Variants in GRIK4 observed in about 807,000 individuals in gnomAD.
GRIK4 encodes glutamate ionotropic receptor kainate type subunit 4.
Under a neutral mutation model 104.9 loss-of-function variants are expected in GRIK4, and 40 were observed. That is an observed-to-expected ratio of 0.38 (90% CI 0.30 to 0.50). The LOEUF is 0.50. GRIK4 is among the 20% of genes least tolerant of loss of function. The pLI is 0.93. For synonymous variants in GRIK4, 485 were observed against 524.9 expected (o/e 0.92, Z 1.04); for missense variants, 1,047 against 1,308.1 (o/e 0.80, Z 3.08).
chr11:120,879,776 C>A (rs564001017), intron 11 of GRIK4, among the ~76,000 whole-genome samples: 3 of 152,140 alleles, frequency 2.0e-5, no homozygotes, highest in East Asian at 3.9e-4. Context: ...TTTGCACATG[C>A]GAGATCTCTG....
Position 120,901,175 on chromosome 11 carries a change from T to C in GRIK4, c.1272+2536T>C, listed in dbSNP as rs570536900. Among the ~76,000 whole-genome samples the C allele has an allele frequency of 6.6e-5, 10 of 152,210 alleles. No individual in the cohort carries two copies. The South Asian group carries it at 1.2e-3, about 19-fold the overall frequency. On this transcript the variant is annotated intron_variant, in intron 12 of 20. Coordinates refer to ENST00000527524, the MANE Select transcript of GRIK4 (RefSeq NM_014619.5). Reference sequence around the variant, plus strand: ...AATCAGAATTGGCCTGGCATTTCCTTCCTTACAATCCTTCAGCCACTGCCC... The same window carrying C: ...AATCAGAATTGGCCTGGCATTTCCTCCCTTACAATCCTTCAGCCACTGCCC...
At chr11:120,670,002 A>C (rs1182677081) in intron 3 of GRIK4, among the ~76,000 whole-genome samples, 6 of 152,192 alleles carry the variant, frequency 3.9e-5, no homozygotes, top group African/African-American at 1.2e-4. Context: ...TGCTTCTCCT[A>C]CTGTCTACTC....
chr11:120,668,307 GAAAA>G (rs1363131399), intron 3 of GRIK4, among the ~76,000 whole-genome samples: 3 of 136,886 alleles, frequency 2.2e-5, no homozygotes, highest in Admixed American at 7.7e-5. Flanking sequence ...AAAAAGAAAA[GAAAA>G]GAAGAAAGGA....
intron 6 of GRIK4, among the ~76,000 whole-genome samples, chr11:120,829,250 A>G (rs1444724318): frequency 6.6e-6 from 1 of 152,122 alleles, no homozygotes; most frequent in African/African-American, 2.4e-5. Context: ...CCTCCTTGTT[A>G]AGAGTGTCTT....
Position 120,934,204 on chromosome 11 carries a change from CAAAAAAAA to C in GRIK4, c.1477-6123_1477-6116del, listed in dbSNP as rs35705174. ...TGGGTGACAGAGCGAGACTCCGTCT[CAAAAAAAA>C]AAAAAAAAAAAAAAAAAAAGGTCAG... On this transcript the variant is annotated intron_variant, in intron 13 of 20. Coordinates refer to ENST00000527524, the MANE Select transcript of GRIK4 (RefSeq NM_014619.5). Among the ~76,000 whole-genome samples, 222 of 54,236 alleles carry C rather than the reference CAAAAAAAA, an allele frequency of 4.1e-3. 3 individuals are homozygous for C. Among genetic ancestry groups the C allele is most frequent in the African/African-American group, 0.018 (214 of 11,726 alleles). The allele number at this position is 54,236 out of a possible 152,430, so 35.6% of individuals were successfully genotyped here.
At chr11:120,644,059 GGAGA>G (rs139179410) in intron 1 of GRIK4, among the ~76,000 whole-genome samples, 62,816 of 119,694 alleles carry the variant, frequency 0.52, 13,970 homozygotes, top group Non-Finnish European at 0.58. Context: ...GAGAGAGAGA[GGAGA>G]GAGAGAGAGA....
At chr11:120,578,828 C>T (rs1316309786) in intron 1 of GRIK4, among the ~76,000 whole-genome samples, 1 of 152,210 alleles carries the variant, frequency 6.6e-6, no homozygotes, top group Non-Finnish European at 1.5e-5. Flanking sequence ...TCACTTGGCT[C>T]ATCTCCACAA....
At chr11:120,913,537 C>T (rs928998433) in intron 13 of GRIK4, among the ~76,000 whole-genome samples, 31 of 151,466 alleles carry the variant, frequency 2.0e-4, no homozygotes, top group Non-Finnish European at 3.8e-4. Context: ...AGACAGAGTC[C>T]CCCTCTAGGT....
At chr11:120,603,335 T>A (rs1322771549) in intron 1 of GRIK4, among the ~76,000 whole-genome samples, 4 of 152,264 alleles carry the variant, frequency 2.6e-5, no homozygotes, top group African/African-American at 9.6e-5. Context: ...CTCTCCCTGA[T>A]TCTGCCTTCA....
intron 14 of GRIK4, among the ~76,000 whole-genome samples, chr11:120,943,159 A>ACACACACACAC (rs1382888508): frequency 2.0e-5 from 1 of 49,400 alleles, no homozygotes; most frequent in Non-Finnish European, 5.7e-5. Flanking sequence ...CACCCCCCTG[A>ACACACACACAC]CTGTTTGGTG....
chr11:120,893,326 G>A (rs922195086), intron 11 of GRIK4, among the ~76,000 whole-genome samples: 11 of 152,044 alleles, frequency 7.2e-5, no homozygotes, highest in Non-Finnish European at 1.5e-4. Flanking sequence ...ATCCCATATC[G>A]GTTATATTTA....
chr11:120,625,238 C>A (rs1451746992), intron 1 of GRIK4, among the ~76,000 whole-genome samples: 1 of 152,166 alleles, frequency 6.6e-6, no homozygotes, highest in Non-Finnish European at 1.5e-5. Context: ...TGCACCACTG[C>A]ACCCCAGCCT....
chr11:120,595,862 T>C (rs1684941246), intron 1 of GRIK4, among the ~76,000 whole-genome samples: 1 of 152,208 alleles, frequency 6.6e-6, no homozygotes, highest in Admixed American at 6.5e-5. Flanking sequence ...ATTTCTATTT[T>C]TCGAGATGGA....
At position 120,956,984 on chromosome 11, in the gene GRIK4, A is replaced by G; in HGVS notation, c.1874+31A>G. 1 of 1,550,774 alleles carries G rather than the reference A, an allele frequency of 6.4e-7. No individual in the cohort carries two copies. The highest frequency in any genetic ancestry group is 8.7e-7 in the Non-Finnish European group (1 of 1,146,942). Reference sequence around the variant, plus strand: ...GCCCCAGGCAGAGGTGAACCAGGCCAGGTGGGGTGGGGACACAAAAGGGGC... The same window carrying G: ...GCCCCAGGCAGAGGTGAACCAGGCCGGGTGGGGTGGGGACACAAAAGGGGC... On this transcript the variant is annotated intron_variant, in intron 16 of 20. Coordinates refer to ENST00000527524, the MANE Select transcript of GRIK4 (RefSeq NM_014619.5). The surrounding 1 kb of genome is among the most constrained non-coding windows in gnomAD (Gnocchi z 4.6).
intron 3 of GRIK4, among the ~76,000 whole-genome samples, chr11:120,790,993 C>A (rs1242299886): frequency 6.6e-6 from 1 of 152,160 alleles, no homozygotes; most frequent in African/African-American, 2.4e-5. Context: ...TTGGACATTT[C>A]TTACTAGTAG....
At chr11:120,619,483 G>T (rs558452700) in intron 1 of GRIK4, among the ~76,000 whole-genome samples, 1 of 152,268 alleles carries the variant, frequency 6.6e-6, no homozygotes, top group Admixed American at 6.5e-5. Context: ...ATGTAAGAAG[G>T]ACATGAGATT....
At chr11:120,648,590 T>C (rs1329680344) in intron 1 of GRIK4, among the ~76,000 whole-genome samples, 2 of 151,910 alleles carry the variant, frequency 1.3e-5, no homozygotes, top group African/African-American at 4.8e-5. Context: ...AGCCAGAGCA[T>C]AGGCTGTGGA....
At chr11:120,926,336 T>A (rs1341900841) in intron 13 of GRIK4, among the ~76,000 whole-genome samples, 1 of 152,192 alleles carries the variant, frequency 6.6e-6, no homozygotes, top group Non-Finnish European at 1.5e-5. Flanking sequence ...TTTTAAAAAA[T>A]AAATAAAATT....
chr11:120,551,686 C>G (rs764314945), intron 1 of GRIK4, among the ~76,000 whole-genome samples: 68 of 152,012 alleles, frequency 4.5e-4, no homozygotes, highest in Non-Finnish European at 9.4e-4. Flanking sequence ...GAGGCTGAGG[C>G]AGGAGAATCG....
Sources: gnomAD v4.1 joint callset for allele counts (sites outside exome capture counted in the v4.1 genomes callset) on GRCh38, gnomAD v4.1.1 for gene constraint, Gnocchi (gnomAD v3.1) non-coding constraint, MANE v1.5 for transcripts, NCBI Gene and HGNC (gene_info 2026-07-23, HGNC 2026-07-21) for gene names.